The following RAP1GAP2 variants were observed in gnomAD, a reference collection of about 807,000 sequenced individuals.
RAP1GAP2 encodes the protein rap1 GTPase-activating protein 2.
RAP1GAP2 carries 27 observed loss-of-function variants against 95.0 expected under a neutral mutation model. The ratio of observed to expected loss-of-function variants is 0.28; its 90% confidence interval spans 0.21 to 0.39. The LOEUF is 0.39. Among genes scored for constraint, RAP1GAP2 ranks in the 10% least tolerant of loss-of-function variants. The probability of loss-of-function intolerance (pLI) is 1.00; values close to 1 mark genes in which losing one functional copy is unlikely to be tolerated. For missense variants in RAP1GAP2, 771 were observed against 970.0 expected, an observed-to-expected ratio of 0.79 and a Z score of 2.72; for synonymous variants, 373 against 380.9, an observed-to-expected ratio of 0.98 and a Z score of 0.24.
At chr17:2,970,456 A>G (rs965661326) in intron 8 of RAP1GAP2, among the ~76,000 whole-genome samples, 6 of 152,252 alleles carry the variant, frequency 3.9e-5, no homozygotes, top group African/African-American at 1.4e-4. Context: ...ATTTTGATAG[A>G]TAACGTTAAA....
intron 17 of RAP1GAP2, among the ~76,000 whole-genome samples, chr17:3,011,890 AG>A (rs77261886): frequency 0.022 from 3,379 of 152,224 alleles, 117 homozygotes; most frequent in African/African-American, 0.066. Flanking sequence ...CTGGGATTAC[AG>A]GCGTGAGGCA....
chr17:2,965,352 G>T lies in RAP1GAP2; in HGVS notation c.493-188G>T, dbSNP rs1336578571. ...AGGAGATAGTGGGTATTAAGCCCCT[G>T]GCACGGTGCCTGGCGCCTCCTGAGG... On this transcript the variant is annotated intron_variant, in intron 7 of 24. Coordinates refer to ENST00000254695, the MANE Select transcript of RAP1GAP2 (RefSeq NM_015085.5). The surrounding 1 kb of genome is among the most constrained non-coding windows in gnomAD (Gnocchi z 4.7). 6 of 598,506 alleles carry T rather than the reference G, an allele frequency of 1.0e-5. No individual in the cohort carries two copies. The highest frequency in any genetic ancestry group is 2.9e-5 in the Admixed American group (1 of 34,806). The allele number at this position is 598,506 out of a possible 1,614,324, so 37.1% of individuals were successfully genotyped here.
intron 3 of RAP1GAP2, among the ~76,000 whole-genome samples, chr17:2,929,351 C>T (rs893450322): frequency 2.0e-5 from 3 of 151,900 alleles, no homozygotes; most frequent in African/African-American, 4.8e-5. Context: ...CCGGCACAGG[C>T]GATGAGTGAG....
rs115108382 is a variant in RAP1GAP2, at chr17:2,869,028, C to T, written c.81-36256C>T. 1.2e-3 allele frequency among the ~76,000 whole-genome samples: 185 copies of T among 152,208 alleles called. 1 individual carries two copies. Among genetic ancestry groups the T allele is most frequent in the African/African-American group, 3.9e-3 (163 of 41,530 alleles). On this transcript the variant is annotated intron_variant, in intron 2 of 24. Transcript: ENST00000254695. ...GTCTTCTCGCCATGTTCTCACATAG[C>T]GAAGGGGCAAGGGAGCTCTCAGGGG...
rs557186872 is a variant in RAP1GAP2, at chr17:3,037,397, G to T, written c.*4036G>T. Reference sequence around the variant, plus strand: ...CCCCCCGCTTCCTGCTCCTTAGCATGCGTGCAGCTCTCTCCTGTTTTGGGT... The same window carrying T: ...CCCCCCGCTTCCTGCTCCTTAGCATTCGTGCAGCTCTCTCCTGTTTTGGGT... On this transcript the variant is annotated 3_prime_UTR_variant, in exon 25 of 25. Transcript: ENST00000254695. The T allele has an allele frequency of 1.1e-5, 1 of 92,648 alleles. No individual in the cohort carries two copies. Among genetic ancestry groups the T allele is most frequent in the East Asian group, 3.0e-4 (1 of 3,342 alleles). The allele number at this position is 92,648 out of a possible 1,614,324, so 5.7% of individuals were successfully genotyped here.
At chr17:2,878,738 C>T (rs893766362) in intron 2 of RAP1GAP2, among the ~76,000 whole-genome samples, 1 of 152,208 alleles carries the variant, frequency 6.6e-6, no homozygotes, top group African/African-American at 2.4e-5. Flanking sequence ...TGCACCTGTC[C>T]CAGTGGGCCT....
At chr17:2,984,639 G>A (rs2045490007) in intron 10 of RAP1GAP2, among the ~76,000 whole-genome samples, 1 of 152,094 alleles carries the variant, frequency 6.6e-6, no homozygotes, top group Non-Finnish European at 1.5e-5. Context: ...ACCAGTTTTG[G>A]GGTTTTGGCT....
intron 1 of RAP1GAP2, among the ~76,000 whole-genome samples, chr17:2,787,414 C>T (rs760140588): frequency 5.9e-5 from 9 of 151,960 alleles, no homozygotes; most frequent in Non-Finnish European, 8.8e-5. Context: ...AGCACCATGC[C>T]TGGCTAATTT....
intron 2 of RAP1GAP2, among the ~76,000 whole-genome samples, chr17:2,852,641 G>A (rs1333056005): frequency 6.6e-6 from 1 of 151,228 alleles, no homozygotes; most frequent in African/African-American, 2.4e-5. Context: ...AATTGCCTCA[G>A]GGGGAACCTC....
rs1218186745 is a variant in RAP1GAP2 at position 3,034,695 on chromosome 17, G to C, written c.*1334G>C. 1 of 152,642 alleles carries C rather than the reference G, an allele frequency of 6.6e-6. No homozygotes were observed. Among genetic ancestry groups the C allele is most frequent in the Admixed American group, 6.5e-5 (1 of 15,284 alleles). 9.5% of individuals were successfully genotyped at this position (152,642 alleles called of 1,614,324 possible). On this transcript the variant is annotated 3_prime_UTR_variant, in exon 25 of 25. Transcript: ENST00000254695. This position sits in a 1 kb window ranked among gnomAD's most constrained non-coding sequence, Gnocchi z 5.1. ...ACATGCCACCCCCACCCTCCACAGA[G>C]CCCCCTTGCTGGGACAGCCAGCTCA...
At chr17:2,854,503 G>A (rs138491565) in intron 2 of RAP1GAP2, among the ~76,000 whole-genome samples, 95 of 152,348 alleles carry the variant, frequency 6.2e-4, no homozygotes, top group African/African-American at 2.2e-3. Flanking sequence ...CGAGGTGCCT[G>A]CCTGGCCGAG....
At chr17:2,832,850 CG>C (rs2070950054) in intron 2 of RAP1GAP2, among the ~76,000 whole-genome samples, 1 of 151,730 alleles carries the variant, frequency 6.6e-6, no homozygotes, top group Non-Finnish European at 1.5e-5. Context: ...GTGGCACTTG[CG>C]TGTAGTCCCA....
chr17:2,965,606 G>A lies in RAP1GAP2; in HGVS notation c.559G>A (p.Glu187Lys). ...CTTGATCCTGTCCGTCAAGTGCGAG[G>A]AAGCAGAGGGGATCGAGTACCTCCG... ...GNLILSVKCE[E>K]AEGIEYLRVI... The change falls in exon 8 of 25, where the codon GAA (glutamate) becomes AAA (lysine). Residue 187 changes from glutamate (E) to lysine (K), a missense_variant. Glu to Lys is a moderately conservative substitution (Grantham distance 56). Coordinates refer to ENST00000254695, the MANE Select transcript of RAP1GAP2 (RefSeq NM_015085.5). This position sits in a 1 kb window ranked among gnomAD's most constrained non-coding sequence, Gnocchi z 4.7. 1 of 1,612,442 alleles carries A rather than the reference G, an allele frequency of 6.2e-7. No individual in the cohort carries two copies. The highest frequency in any genetic ancestry group is 8.5e-7 in the Non-Finnish European group (1 of 1,179,468).
Position 3,026,379 on chromosome 17 carries a change from G to T in RAP1GAP2, c.1895G>T (p.Arg632Leu), listed in dbSNP as rs774783201. Reference protein sequence around the residue: ...KPFMKLKENGRAISRSSSSTS... With the variant: ...KPFMKLKENGLAISRSSSSTS... ...TTCATGAAGTTGAAGGAAAACGGCC[G>T]TGCCATCTCCCGCTCCTCCTCCAGC... The change falls in exon 21 of 25, where the codon CGT (arginine) becomes CTT (leucine). Residue 632 changes from arginine (R) to leucine (L), a missense_variant. Coordinates refer to ENST00000254695, the MANE Select transcript of RAP1GAP2 (RefSeq NM_015085.5). The T allele has an allele frequency of 6.4e-7, 1 of 1,552,186 alleles. No individual in the cohort carries two copies. Among genetic ancestry groups the T allele is most frequent in the South Asian group, 1.2e-5 (1 of 84,096 alleles).
chr17:2,837,489 A>G (rs1245738253), intron 2 of RAP1GAP2, among the ~76,000 whole-genome samples: 3 of 152,008 alleles, frequency 2.0e-5, no homozygotes, highest in Non-Finnish European at 4.4e-5. Context: ...GGTGATGGGC[A>G]TCGGGAGTCT....
intron 2 of RAP1GAP2, among the ~76,000 whole-genome samples, chr17:2,814,859 T>C (rs577469911): frequency 1.5e-4 from 23 of 151,670 alleles, no homozygotes; most frequent in Non-Finnish European, 3.2e-4. Flanking sequence ...GGGGGGAGGG[T>C]TGACGGCAGC....
chr17:2,921,789 G>T (rs914265604), intron 3 of RAP1GAP2, among the ~76,000 whole-genome samples: 3 of 152,170 alleles, frequency 2.0e-5, no homozygotes, highest in Non-Finnish European at 4.4e-5. Flanking sequence ...CCCGCCAGAG[G>T]CTCGAGGGGA....
At chr17:2,826,134 C>T (rs1397997362) in intron 2 of RAP1GAP2, among the ~76,000 whole-genome samples, 1 of 148,224 alleles carries the variant, frequency 6.7e-6, no homozygotes. Flanking sequence ...GCACCCACCA[C>T]CACGCCCAGC....
At chr17:3,016,171 G>T (rs1042888723) in intron 17 of RAP1GAP2, among the ~76,000 whole-genome samples, 1 of 152,134 alleles carries the variant, frequency 6.6e-6, no homozygotes, top group Admixed American at 6.5e-5. Flanking sequence ...TTGGCCCCTC[G>T]TGGCCCTAAG....
Sources: gnomAD v4.1 joint callset for allele counts (sites outside exome capture counted in the v4.1 genomes callset) on GRCh38, gnomAD v4.1.1 for gene constraint, Gnocchi (gnomAD v3.1) non-coding constraint, MANE v1.5 for transcripts, NCBI Gene and HGNC (gene_info 2026-07-23, HGNC 2026-07-21) for gene names.